The following MCF2L variants were observed in gnomAD, a reference collection of about 807,000 sequenced individuals.
MCF2L encodes the protein guanine nucleotide exchange factor DBS.
MCF2L carries 97 observed loss-of-function variants against 153.4 expected under a neutral mutation model. The ratio of observed to expected loss-of-function variants is 0.63; its 90% CI spans 0.54 to 0.75. The LOEUF (loss-of-function observed/expected upper bound fraction) is 0.75. MCF2L is among the 30% of genes least tolerant of loss of function. The pLI is 0.00. For missense variants in MCF2L, 1,347 were observed against 1,495.2 expected (o/e 0.90, Z 1.64); for synonymous variants, 659 against 632.2 (o/e 1.04, Z -0.64).
At chr13:112,974,084 C>T (rs2082138723) in intron 1 of MCF2L, among the ~76,000 whole-genome samples, 1 of 152,146 alleles carries the variant, frequency 6.6e-6, no homozygotes, top group Admixed American at 6.5e-5. Context: ...GCCTCATTGC[C>T]CGGCACTTCC....
At chr13:113,081,586 G>A (rs994722889) in intron 16 of MCF2L, among the ~76,000 whole-genome samples, 38 of 152,380 alleles carry the variant, frequency 2.5e-4, no homozygotes, top group African/African-American at 8.2e-4. Context: ...GGGTGCCTGC[G>A]ATTCCCGGCA....
At chr13:112,912,502 A>G (rs1001821309) in intron 2 of MCF2L, among the ~76,000 whole-genome samples, 1 of 152,022 alleles carries the variant, frequency 6.6e-6, no homozygotes, top group Non-Finnish European at 1.5e-5. Context: ...TTTTTAGTAG[A>G]GACGGGGTTT....
In MCF2L at chr13:113,064,187, G is replaced by T; in HGVS notation, c.490-117G>T. On this transcript the variant is annotated intron_variant, in intron 5 of 29. Coordinates refer to ENST00000535094, the MANE Select transcript of MCF2L (RefSeq NM_001112732.3). The surrounding 1 kb of genome is among the most constrained non-coding windows in gnomAD (Gnocchi z 6.0). ...GGTGCCCCCACCCACACAGCCGCCCGCAGCATCCAGGCAGACGTGGTCCTC... is the reference window on the plus strand; with the variant it reads ...GGTGCCCCCACCCACACAGCCGCCCTCAGCATCCAGGCAGACGTGGTCCTC... 1 of 785,492 alleles carries T rather than the reference G, an allele frequency of 1.3e-6. No individual in the cohort carries two copies. The highest frequency in any genetic ancestry group is 2.2e-6 in the Non-Finnish European group (1 of 450,826). The allele number at this position is 785,492 out of a possible 1,614,324, so 48.7% of individuals were successfully genotyped here.
At chr13:113,044,536 G>A (rs1036856226) in intron 3 of MCF2L, 211 of 1,245,104 alleles carry the variant, frequency 1.7e-4, no homozygotes, top group Non-Finnish European at 2.3e-4. Context: ...AGGCATGCCC[G>A]TGTGGTTGTT....
chr13:113,066,124 C>T lies in MCF2L; in HGVS notation c.835C>T (p.Pro279Ser). The part of the protein sequence containing the change: ...LRELQAEGSE[P>S]SVNQDQLDNQ... The stretch of plus-strand genomic sequence containing the variant: ...GGAGCTGCAGGCTGAGGGCTCAGAG[C>T]CCAGTGTGAACCAGGACCAGCTTGA... The change falls in exon 8 of 30, where the codon CCC (proline) becomes TCC (serine). Residue 279 changes from proline (P) to serine (S), a missense_variant. Physicochemically the swap from Pro to Ser is moderately conservative, Grantham distance 74. This residue lies in a region of MCF2L where 820 missense variants were observed against 921.2 expected (regional missense o/e 0.89). Transcript: ENST00000535094. 1 of 1,613,164 alleles carries T rather than the reference C, an allele frequency of 6.2e-7. No homozygotes were observed. The highest frequency in any genetic ancestry group is 1.1e-5 in the South Asian group (1 of 91,076).
intron 2 of MCF2L, among the ~76,000 whole-genome samples, chr13:112,921,204 C>A (rs1420114278): frequency 6.6e-6 from 1 of 151,804 alleles, no homozygotes; most frequent in Non-Finnish European, 1.5e-5. Context: ...CAAAACAGAA[C>A]AAAAAACAGA....
Position 112,993,271 on chromosome 13 carries a change from G to A in MCF2L, c.80-21492G>A, listed in dbSNP as rs770985322. ...CGTGTGAACATGGTGGCGGGGGAGC[G>A]CCGGGCACACAACATGGTGGGTGTT... is the stretch of plus-strand genomic sequence containing the variant. On this transcript the variant is annotated intron_variant, in intron 1 of 29. Coordinates refer to ENST00000535094, the MANE Select transcript of MCF2L (RefSeq NM_001112732.3). The surrounding 1 kb of genome is among the most constrained non-coding windows in gnomAD (Gnocchi z 4.6). 3.9e-5 allele frequency among the ~76,000 whole-genome samples: 6 copies of A among 152,188 alleles called. No homozygotes were observed. Among genetic ancestry groups the A allele is most frequent in the Admixed American group, 6.5e-5 (1 of 15,282 alleles).
chr13:112,895,773 T>C (rs559857100), intron 1 of MCF2L, among the ~76,000 whole-genome samples: 6 of 152,222 alleles, frequency 3.9e-5, no homozygotes, highest in African/African-American at 1.4e-4. Flanking sequence ...TTCCCCATCC[T>C]GTGGGGCCGG....
chr13:112,962,739 C>G (rs915636939), intron 2 of MCF2L, among the ~76,000 whole-genome samples: 2 of 152,178 alleles, frequency 1.3e-5, no homozygotes, highest in African/African-American at 2.4e-5. Flanking sequence ...GGCCCCAACC[C>G]CTACCCAGAG....
At chr13:112,966,935 A>G (rs1208285055), upstream of MCF2L, among the ~76,000 whole-genome samples, 1 of 152,190 alleles carries the variant, frequency 6.6e-6, no homozygotes, top group Non-Finnish European at 1.5e-5. This position sits in a 1 kb window ranked among gnomAD's most constrained non-coding sequence, Gnocchi z 4.1. Context: ...CAGCTGTGTG[A>G]GCTTAACAAG....
chr13:113,074,662 C>A lies in MCF2L; in HGVS notation c.1116+99C>A. ...GAATGGGCCTCCCGCCTACGGAGAA[C>A]GGACCCCACAGCCCCCCGGGGATGT... On this transcript the variant is annotated intron_variant, in intron 10 of 29. Coordinates refer to ENST00000535094, the MANE Select transcript of MCF2L (RefSeq NM_001112732.3). The surrounding 1 kb of genome is among the most constrained non-coding windows in gnomAD (Gnocchi z 4.2). 2 of 1,530,284 alleles carry A rather than the reference C, an allele frequency of 1.3e-6. No homozygotes were observed. The highest frequency in any genetic ancestry group is 2.3e-5 in the East Asian group (1 of 43,072). 94.8% of individuals were successfully genotyped at this position (1,530,284 alleles called of 1,614,324 possible).
chr13:113,003,877 T>TG (rs1469999981), intron 1 of MCF2L, among the ~76,000 whole-genome samples: 1 of 152,078 alleles, frequency 6.6e-6, no homozygotes, highest in Non-Finnish European at 1.5e-5. Context: ...AAATGCAGGG[T>TG]GGGGCGAGCC....
chr13:113,048,451 T>TA (rs202168376), intron 4 of MCF2L, among the ~76,000 whole-genome samples: 1 of 148,052 alleles, frequency 6.8e-6, no homozygotes, highest in African/African-American at 2.5e-5. Context: ...TTTTTTTTTT[T>TA]TTTTTTTGAG....
intron 5 of MCF2L, chr13:113,063,783 G>C (rs1186771884): frequency 2.2e-6 from 1 of 445,092 alleles, no homozygotes; most frequent in African/African-American, 2.0e-5. Flanking sequence ...TTCAGCACAC[G>C]GCACTGAAAC....
Position 112,907,054 on chromosome 13 carries a change from A to G in MCF2L, c.169+4683A>G, listed in dbSNP as rs2081180001. Among the ~76,000 whole-genome samples, 1 of 152,160 alleles carries G rather than the reference A, an allele frequency of 6.6e-6. No homozygotes were observed. Among genetic ancestry groups the G allele is most frequent in the Admixed American group, 6.5e-5 (1 of 15,278 alleles). On this transcript the variant is annotated intron_variant, in intron 2 of 29. Coordinates refer to the MCF2L transcript ENST00000375608. This position sits in a 1 kb window ranked among gnomAD's most constrained non-coding sequence, Gnocchi z 5.1. ...GTGGAGTCGCGACATTGCTGTTTCT[A>G]TGTCAGAAGCCTTGGAGCATGGATG...
At chr13:113,082,623 G>A (rs2034256737) in intron 17 of MCF2L, 81 bp downstream of exon 17, 1 of 1,079,880 alleles carries the variant, frequency 9.3e-7, no homozygotes, top group Non-Finnish European at 1.4e-6. Flanking sequence ...CTGGAATGGG[G>A]GTGGAGGCCA....
chr13:113,047,056 G>C (rs1416068942), intron 4 of MCF2L: 1 of 163,546 alleles, frequency 6.1e-6, no homozygotes, highest in African/African-American at 2.4e-5. Context: ...CGGGGAGCCG[G>C]CATCACATGG....
At chr13:113,062,470 G>C (rs1355604292) in intron 5 of MCF2L, among the ~76,000 whole-genome samples, 2 of 152,066 alleles carry the variant, frequency 1.3e-5, no homozygotes, top group Non-Finnish European at 2.9e-5. Context: ...CTGCACACTA[G>C]CCATAGGCTT....
At chr13:113,087,572 G>A in intron 22 of MCF2L, 116 bp downstream of exon 22, 2 of 1,106,990 alleles carry the variant, frequency 1.8e-6, no homozygotes, top group South Asian at 2.9e-5. Context: ...TTAGGTGTAG[G>A]GGTGGGGTAT....
Sources: gnomAD v4.1 joint callset for allele counts (sites outside exome capture counted in the v4.1 genomes callset) on GRCh38, gnomAD v4.1.1 for gene constraint, gnomAD v4.1.1 regional missense constraint, Gnocchi (gnomAD v3.1) non-coding constraint, MANE v1.5 for transcripts, NCBI Gene and HGNC (gene_info 2026-07-23, HGNC 2026-07-21) for gene names.